The following THSD4 variants were observed in gnomAD, a reference collection of about 807,000 sequenced individuals.
THSD4 encodes the protein thrombospondin type 1 domain containing 4.
A neutral mutation model predicts 119.0 loss-of-function variants in THSD4; 69 were observed. The observed-to-expected ratio is 0.58, with a 90% confidence interval of 0.48 to 0.71. THSD4 has a LOEUF of 0.71. Among genes scored for constraint, THSD4 ranks in the 30% least tolerant of loss-of-function variants. The pLI is 0.00. For synonymous variants in THSD4, 524 were observed against 540.4 expected (o/e 0.97, Z 0.42); for missense variants, 1,393 against 1,391.1 (o/e 1.00, Z -0.02).
chr15:71,138,848 G>C lies in THSD4; in HGVS notation c.-79-2601G>C, dbSNP rs563142305. Among the ~76,000 whole-genome samples the C allele has an allele frequency of 7.3e-5, 11 of 151,538 alleles. No individual in the cohort carries two copies. The South Asian group carries it at 2.3e-3, about 32-fold the overall frequency. On this transcript the variant is annotated intron_variant, in intron 1 of 17. Coordinates refer to ENST00000261862, the MANE Select transcript of THSD4 (RefSeq NM_024817.3). ...AAGAGTGTAGTTCTCCAGCATCGAGGCTGTAATTTCTTGGTGTGTGTGTGT... is the reference window on the plus strand; with the variant it reads ...AAGAGTGTAGTTCTCCAGCATCGAGCCTGTAATTTCTTGGTGTGTGTGTGT...
intron 7 of THSD4, among the ~76,000 whole-genome samples, chr15:71,441,686 T>TGC (rs2047096002): frequency 5.9e-5 from 9 of 151,940 alleles, no homozygotes; most frequent in African/African-American, 2.4e-5. Context: ...AGCCACCATG[T>TGC]CCAGCCTCAC....
In THSD4 at chr15:71,590,485, A is replaced by T. The variant is rs972952596; in HGVS notation, c.1153-70045A>T. On this transcript the variant is annotated intron_variant, in intron 7 of 17. Coordinates refer to ENST00000261862, the MANE Select transcript of THSD4 (RefSeq NM_024817.3). ...AGAAAACCAAATACTGCATGTTCTC[A>T]CTTATAAGTGGGACCTGAATGATGA... Among the ~76,000 whole-genome samples the T allele has an allele frequency of 1.2e-4, 15 of 126,348 alleles. 1 individual carries two copies. The highest frequency in any genetic ancestry group is 1.9e-4 in the Non-Finnish European group (11 of 56,760). 82.9% of individuals were successfully genotyped at this position (126,348 alleles called of 152,430 possible). A position where few individuals can be genotyped will look rare whatever the true frequency, so the allele number is the denominator to read the frequency against.
chr15:71,726,937 C>T (rs1207059758), intron 8 of THSD4, among the ~76,000 whole-genome samples: 1 of 128,892 alleles, frequency 7.8e-6, no homozygotes, highest in African/African-American at 2.8e-5. Context: ...AACGCCATCT[C>T]AAAAAAAAAA....
intron 6 of THSD4, among the ~76,000 whole-genome samples, chr15:71,346,842 A>G (rs1420443265): frequency 6.6e-6 from 1 of 150,748 alleles, no homozygotes; most frequent in Non-Finnish European, 1.5e-5. Flanking sequence ...AATTCCGAAT[A>G]ACATCATAAG....
intron 7 of THSD4, among the ~76,000 whole-genome samples, chr15:71,587,800 G>GA (rs1555429620): frequency 0.041 from 1,610 of 39,108 alleles, 47 homozygotes; most frequent in African/African-American, 0.088. Context: ...AAAAAAAAAA[G>GA]AAAAAAAAAA....
chr15:71,199,714 GGT>G lies in THSD4; in HGVS notation c.100-15310_100-15309del, dbSNP rs1322368273. Among the ~76,000 whole-genome samples the G allele has an allele frequency of 4.2e-3, 218 of 51,936 alleles. 1 individual carries two copies. Among genetic ancestry groups the G allele is most frequent in the African/African-American group, 0.018 (133 of 7,480 alleles). 34.1% of individuals were successfully genotyped at this position (51,936 alleles called of 152,430 possible). A position where few individuals can be genotyped will look rare whatever the true frequency, so the allele number is the denominator to read the frequency against. On this transcript the variant is annotated intron_variant, in intron 3 of 17. Coordinates refer to ENST00000261862, the MANE Select transcript of THSD4 (RefSeq NM_024817.3). ...TGGTGTGTGTGGTGTCTGGGTGTGT[GGT>G]GTGTGTGTGTAGTGTGTGTGTAGTG... is the stretch of plus-strand genomic sequence containing the variant.
chr15:71,561,036 A>G (rs1050987302), intron 7 of THSD4, among the ~76,000 whole-genome samples: 1 of 145,020 alleles, frequency 6.9e-6, no homozygotes, highest in African/African-American at 2.6e-5. Flanking sequence ...GTGCAGTGGC[A>G]CAATCTCGGC....
chr15:71,398,244 A>G (rs1428018411), intron 6 of THSD4, among the ~76,000 whole-genome samples: 1 of 152,180 alleles, frequency 6.6e-6, no homozygotes, highest in Non-Finnish European at 1.5e-5. Context: ...GTACAAAACC[A>G]TGGTGGTGGA....
chr15:71,228,446 C>T (rs2044035600), intron 4 of THSD4, among the ~76,000 whole-genome samples: 1 of 152,152 alleles, frequency 6.6e-6, no homozygotes, highest in Non-Finnish European at 1.5e-5. Context: ...GCCTCCAGAA[C>T]TGTAAAAGAA....
At chr15:71,722,828 T>C (rs1055101054) in intron 8 of THSD4, among the ~76,000 whole-genome samples, 1 of 152,212 alleles carries the variant, frequency 6.6e-6, no homozygotes, top group African/African-American at 2.4e-5. Flanking sequence ...TGACTATCCT[T>C]CTCTAAACAT....
chr15:71,777,312 G>T lies in THSD4; in HGVS notation c.2995G>T (p.Ala999Ser), dbSNP rs757453226. Residue 999 changes from alanine (A) to serine (S), a missense_variant, in exon 18 of 18, where the codon GCC becomes TCC. Physicochemically the swap from Ala to Ser is moderately conservative, Grantham distance 99. Coordinates refer to ENST00000261862, the MANE Select transcript of THSD4 (RefSeq NM_024817.3). ...RLCVYNYYKT[A>S]CCASCTRVAN... ...CTGTGTCTACAACTACTACAAGACC[G>T]CCTGCTGTGCCTCCTGCACCCGTGT... 1.2e-6 allele frequency: 2 copies of T among 1,614,218 alleles called. No individual in the cohort carries two copies. Among genetic ancestry groups the T allele is most frequent in the Non-Finnish European group, 1.7e-6 (2 of 1,180,030 alleles).
intron 6 of THSD4, among the ~76,000 whole-genome samples, chr15:71,297,975 T>G (rs538872920): frequency 6.6e-6 from 1 of 152,342 alleles, no homozygotes; most frequent in South Asian, 2.1e-4. Flanking sequence ...TTTTTTCCTT[T>G]CGTTGCTCAT....
chr15:71,334,479 A>C (rs2045467342), intron 6 of THSD4, among the ~76,000 whole-genome samples: 1 of 152,192 alleles, frequency 6.6e-6, no homozygotes, highest in Admixed American at 6.5e-5. Flanking sequence ...CTAAACATCC[A>C]ATACAGTCAG....
intron 7 of THSD4, among the ~76,000 whole-genome samples, chr15:71,544,769 CAGAT>C (rs2048812338): frequency 6.6e-6 from 1 of 152,194 alleles, no homozygotes; most frequent in Non-Finnish European, 1.5e-5. Flanking sequence ...TGTCCATTAA[CAGAT>C]GGATGAATGA....
rs774372850 is a variant in THSD4 at position 71,780,546 on chromosome 15, A to T, written c.*3172A>T. On this transcript the variant is annotated 3_prime_UTR_variant, in exon 18 of 18. Transcript: ENST00000261862. ...AACAAACAAAAACACCAAAAGAAAA[A>T]AAAAAGCCATTTAAAGCCAGCCACT... is the stretch of plus-strand genomic sequence containing the variant. 6.0e-4 allele frequency: 199 copies of T among 333,924 alleles called. No individual in the cohort carries two copies. The highest frequency in any genetic ancestry group is 2.4e-3 in the Admixed American group (63 of 25,950). The allele number at this position is 333,924 out of a possible 1,614,324, so 20.7% of individuals were successfully genotyped here. A position where few individuals can be genotyped will look rare whatever the true frequency, so the allele number is the denominator to read the frequency against.
chr15:71,614,066 G>A (rs541669859), intron 7 of THSD4, among the ~76,000 whole-genome samples: 1 of 152,308 alleles, frequency 6.6e-6, no homozygotes, highest in South Asian at 2.1e-4. Context: ...GAATATAAAT[G>A]CTTGTTCTCT....
chr15:71,667,969 A>G (rs1035414660), intron 8 of THSD4, among the ~76,000 whole-genome samples: 3 of 152,106 alleles, frequency 2.0e-5, no homozygotes, highest in African/African-American at 4.8e-5. Context: ...ACTTTTTGCA[A>G]TTTGTGTCCT....
intron 6 of THSD4, among the ~76,000 whole-genome samples, chr15:71,265,100 C>T (rs917584808): frequency 2.0e-5 from 3 of 151,992 alleles, no homozygotes; most frequent in African/African-American, 4.8e-5. Flanking sequence ...TCAACTCATG[C>T]TTTCACTGAG....
At chr15:71,582,852 C>G (rs1203047172) in intron 7 of THSD4, among the ~76,000 whole-genome samples, 1 of 151,992 alleles carries the variant, frequency 6.6e-6, no homozygotes, top group Non-Finnish European at 1.5e-5. Context: ...AGTACATGTT[C>G]CTTTTGATGT....
Sources: gnomAD v4.1 joint callset for allele counts (sites outside exome capture counted in the v4.1 genomes callset) on GRCh38, gnomAD v4.1.1 for gene constraint, MANE v1.5 for transcripts, NCBI Gene and HGNC (gene_info 2026-07-23, HGNC 2026-07-21) for gene names.